Variants in KMT2E observed in about 807,000 individuals in gnomAD.
KMT2E encodes histone reader KMT2E.
KMT2E carries 30 observed loss-of-function variants against 184.6 expected under a neutral mutation model. That is an observed-to-expected ratio of 0.16 (90% CI 0.12 to 0.22). The LOEUF (loss-of-function observed/expected upper bound fraction) is 0.22. Ranked by LOEUF, KMT2E falls within the 10% of genes least tolerant of loss-of-function variation. KMT2E has a pLI of 1.00. For synonymous variants in KMT2E, 815 were observed against 776.5 expected (o/e 1.05, Z -0.82); for missense variants, 2,023 against 2,237.4 (o/e 0.90, Z 1.93).
intron 1 of KMT2E, among the ~76,000 whole-genome samples, chr7:105,037,323 G>C (rs909047823): frequency 2.6e-5 from 4 of 151,682 alleles, no homozygotes; most frequent in African/African-American, 9.7e-5. Context: ...TGCCTTTTGG[G>C]TATCATATTA....
Position 105,112,646 on chromosome 7 carries a change from TCCA to T in KMT2E, c.4899_4901del (p.Pro1634del), listed in dbSNP as rs765153302. 4 of 1,613,432 alleles carry T rather than the reference TCCA, an allele frequency of 2.5e-6. No individual in the cohort carries two copies. In the South Asian group the frequency reaches 4.4e-5, roughly 18 times the overall value. The stretch of plus-strand genomic sequence containing the variant: ...CTGCTGCCGTAGTCCCCCCTCCTCC[TCCA>T]CCACCACCTGCTCCAGGACCGCACC... On this transcript the variant is annotated inframe_deletion, in exon 27 of 27. Transcript: ENST00000311117.
chr7:105,069,472 A>G (rs964915730), intron 6 of KMT2E, among the ~76,000 whole-genome samples: 1 of 152,172 alleles, frequency 6.6e-6, no homozygotes, highest in African/African-American at 2.4e-5. Flanking sequence ...ACAGTTTAGA[A>G]CTTTCCCCCC....
chr7:105,024,316 T>G (rs1324930496), intron 1 of KMT2E, among the ~76,000 whole-genome samples: 1 of 152,196 alleles, frequency 6.6e-6, no homozygotes, highest in Non-Finnish European at 1.5e-5. Flanking sequence ...AAGTTCAGTT[T>G]GTAGTACTAC....
intron 3 of KMT2E, among the ~76,000 whole-genome samples, chr7:105,046,119 T>C (rs1349412190): frequency 6.6e-6 from 1 of 152,170 alleles, no homozygotes; most frequent in Non-Finnish European, 1.5e-5. Context: ...AGATGTTCTG[T>C]GAGTAGTTCA....
At chr7:105,032,307 G>A (rs1374769373) in intron 1 of KMT2E, among the ~76,000 whole-genome samples, 1 of 152,024 alleles carries the variant, frequency 6.6e-6, no homozygotes, top group Non-Finnish European at 1.5e-5. Context: ...AGCTGGGCAT[G>A]GTGGCAGACA....
At chr7:105,028,215 C>T (rs1392651384) in intron 1 of KMT2E, among the ~76,000 whole-genome samples, 2 of 151,144 alleles carry the variant, frequency 1.3e-5, no homozygotes, top group African/African-American at 4.9e-5. Flanking sequence ...GTCGCCCAGG[C>T]TGGAGTGCAG....
At chr7:105,090,360 TGTTTA>T (rs1191455389) in intron 14 of KMT2E, 87 bp downstream of exon 14, 43 of 1,403,900 alleles carry the variant, frequency 3.1e-5, no homozygotes, top group Non-Finnish European at 4.0e-5. Flanking sequence ...TATGTATAAT[TGTTTA>T]AAGTATTTTT....
intron 1 of KMT2E, among the ~76,000 whole-genome samples, chr7:105,026,890 C>A (rs985037295): frequency 6.6e-6 from 1 of 152,070 alleles, no homozygotes; most frequent in African/African-American, 2.4e-5. Flanking sequence ...AAAATTGGTA[C>A]CTCTTACCTC....
chr7:105,096,749 G>C (rs1334693697), intron 15 of KMT2E, among the ~76,000 whole-genome samples: 1 of 152,202 alleles, frequency 6.6e-6, no homozygotes, highest in Non-Finnish European at 1.5e-5. Context: ...ACAGGCCCAT[G>C]AATGTGAACT....
chr7:105,042,859 C>G (rs1457212586), intron 3 of KMT2E, among the ~76,000 whole-genome samples: 1 of 152,208 alleles, frequency 6.6e-6, no homozygotes, highest in Non-Finnish European at 1.5e-5. Context: ...AGATTTTTTA[C>G]ACCTATTAAT....
chr7:105,055,144 C>T (rs556791279), intron 3 of KMT2E, among the ~76,000 whole-genome samples: 3 of 151,134 alleles, frequency 2.0e-5, no homozygotes, highest in Non-Finnish European at 2.9e-5. Context: ...ACTCCACTTA[C>T]ATCATTAACT....
chr7:105,103,092 T>C (rs1036073710), intron 17 of KMT2E: 5 of 152,240 alleles, frequency 3.3e-5, no homozygotes, highest in East Asian at 3.9e-4. Context: ...AACCCAATAT[T>C]TGCCTGTAAC....
At chr7:105,042,562 A>C (rs531377340) in intron 3 of KMT2E, among the ~76,000 whole-genome samples, 1 of 152,306 alleles carries the variant, frequency 6.6e-6, no homozygotes, top group African/African-American at 2.4e-5. Context: ...TGGCCACATA[A>C]TTAATAAAAG....
At position 105,110,489 on chromosome 7, in the gene KMT2E, C is replaced by T. The variant is rs1307746598; in HGVS notation, c.3857C>T (p.Pro1286Leu). 6.8e-6 allele frequency: 11 copies of T among 1,614,142 alleles called. No individual in the cohort carries two copies. The highest frequency in any genetic ancestry group is 8.5e-6 in the Non-Finnish European group (10 of 1,180,008). The change falls in exon 25 of 27, where the codon CCA becomes CTA. Residue 1286 changes from proline (P) to leucine (L), a missense_variant. Coordinates refer to ENST00000311117, the MANE Select transcript of KMT2E (RefSeq NM_182931.3). ...RKDKDSGGESPCVSCSPSHVQ... is the reference protein window; with the variant it reads ...RKDKDSGGESLCVSCSPSHVQ... ...GCTTCATCTCTAGGGGGAGAATCAC[C>T]ATGTGTCTCATGTTCACCGAGTCAT...
At chr7:105,059,777 AAG>A (rs1311568483) in intron 3 of KMT2E, among the ~76,000 whole-genome samples, 1 of 152,032 alleles carries the variant, frequency 6.6e-6, no homozygotes, top group Non-Finnish European at 1.5e-5. Flanking sequence ...AGTTTAGAGA[AAG>A]ATACATGGCA....
At chr7:105,041,859 T>A (rs912855639) in intron 3 of KMT2E, among the ~76,000 whole-genome samples, 3 of 152,198 alleles carry the variant, frequency 2.0e-5, no homozygotes, top group African/African-American at 7.2e-5. Flanking sequence ...ATGAAGAAAC[T>A]ATTTTTTTTT....
chr7:105,049,086 G>T (rs1796221694), intron 3 of KMT2E, among the ~76,000 whole-genome samples: 1 of 152,136 alleles, frequency 6.6e-6, no homozygotes, highest in South Asian at 2.1e-4. Context: ...TAGACCAAGG[G>T]AAGAATATTA....
At chr7:105,074,413 GCA>G (rs1797447855) in intron 7 of KMT2E, among the ~76,000 whole-genome samples, 4 of 152,252 alleles carry the variant, frequency 2.6e-5, no homozygotes, top group Admixed American at 2.6e-4. Flanking sequence ...TTTCCCACAG[GCA>G]CACCACCAGA....
At chr7:105,054,470 A>G (rs766978460) in intron 3 of KMT2E, among the ~76,000 whole-genome samples, 31,328 of 102,216 alleles carry the variant, frequency 0.31, 4,103 homozygotes, top group East Asian at 0.56. Flanking sequence ...CTATCTATCT[A>G]TCTATCTATC....
Sources: allele counts gnomAD v4.1 joint callset (sites outside exome capture counted in the v4.1 genomes callset), GRCh38; gene constraint gnomAD v4.1.1; transcripts MANE v1.5; gene names NCBI Gene and HGNC (gene_info 2026-07-23, HGNC 2026-07-21).